The following KCNIP4 variants were observed in gnomAD, a reference collection of about 807,000 sequenced individuals.
The protein encoded by KCNIP4 is potassium voltage-gated channel interacting protein 4.
KCNIP4 carries 12 observed loss-of-function variants against 34.0 expected under a neutral mutation model. The observed-to-expected ratio is 0.35, with a 90% CI of 0.23 to 0.57. KCNIP4 has a LOEUF of 0.57. Among genes scored for constraint, KCNIP4 ranks in the 20% least tolerant of loss-of-function variants. The pLI, the probability that KCNIP4 is intolerant of heterozygous loss-of-function variation, is 0.83. For synonymous variants in KCNIP4, 124 were observed against 102.2 expected, an observed-to-expected ratio of 1.21 and a Z score of -1.29; for missense variants, 238 against 311.7, an observed-to-expected ratio of 0.76 and a Z score of 1.78.
intron 1 of KCNIP4, among the ~76,000 whole-genome samples, chr4:20,891,798 C>G (rs1452532131): frequency 6.6e-6 from 1 of 151,982 alleles, no homozygotes; most frequent in Non-Finnish European, 1.5e-5. Context: ...GTGATTTTTA[C>G]CATTGAAAGT....
chr4:21,764,135 T>C (rs1011673133), intron 1 of KCNIP4, among the ~76,000 whole-genome samples: 1 of 152,136 alleles, frequency 6.6e-6, no homozygotes, highest in Non-Finnish European at 1.5e-5. Context: ...GGAAATCATA[T>C]ATGCATGATA....
At chr4:21,181,933 T>G (rs1286044698) in intron 1 of KCNIP4, among the ~76,000 whole-genome samples, 1 of 152,176 alleles carries the variant, frequency 6.6e-6, no homozygotes, top group African/African-American at 2.4e-5. Context: ...TTTACTAAAA[T>G]GCCAAACAGT....
At chr4:20,859,434 A>G (rs1470180611) in intron 2 of KCNIP4, among the ~76,000 whole-genome samples, 2 of 152,202 alleles carry the variant, frequency 1.3e-5, no homozygotes, top group South Asian at 2.1e-4. Flanking sequence ...ATTTTAATTC[A>G]TGTATCTTCT....
At chr4:21,488,848 A>G (rs1732132566) in intron 1 of KCNIP4, among the ~76,000 whole-genome samples, 1 of 152,118 alleles carries the variant, frequency 6.6e-6, no homozygotes, top group Non-Finnish European at 1.5e-5. Context: ...TTGAGATATC[A>G]GTATCCAGAT....
chr4:20,949,473 A>G (rs941672075), intron 1 of KCNIP4, among the ~76,000 whole-genome samples: 1 of 152,148 alleles, frequency 6.6e-6, no homozygotes, highest in Non-Finnish European at 1.5e-5. Flanking sequence ...ATCTAGAACT[A>G]GAAATACCAT....
At chr4:21,357,897 T>C (rs1718808637) in intron 1 of KCNIP4, among the ~76,000 whole-genome samples, 2 of 152,108 alleles carry the variant, frequency 1.3e-5, no homozygotes, top group Non-Finnish European at 2.9e-5. Context: ...CTATTCACAA[T>C]AGCAAAAACT....
At chr4:20,997,587 C>T (rs945877040) in intron 1 of KCNIP4, among the ~76,000 whole-genome samples, 6 of 152,132 alleles carry the variant, frequency 3.9e-5, no homozygotes, top group Non-Finnish European at 5.9e-5. Context: ...GGAAAGAGGA[C>T]GCTGTGAATG....
intron 1 of KCNIP4, among the ~76,000 whole-genome samples, chr4:21,374,245 G>T (rs1389852987): frequency 6.8e-6 from 1 of 147,094 alleles, no homozygotes; most frequent in Non-Finnish European, 1.5e-5. Context: ...AATTTACAAG[G>T]AAAAAGAGGT....
At chr4:21,218,194 T>C (rs1380629831) in intron 1 of KCNIP4, among the ~76,000 whole-genome samples, 4 of 151,794 alleles carry the variant, frequency 2.6e-5, no homozygotes, top group African/African-American at 9.7e-5. Context: ...TTTGTATTTT[T>C]AGTAGAGACA....
Position 20,882,809 on chromosome 4 carries a change from GC to G in KCNIP4, c.62-101del, listed in dbSNP as rs915020026. The stretch of plus-strand genomic sequence containing the variant: ...AAGCCAGGCAGGAAGGATCAGGGAC[GC>G]AGCCATCCACTCAGGCAATCACAGG... On this transcript the variant is annotated intron_variant, in intron 1 of 8. Transcript: ENST00000382152. 90 of 844,152 alleles carry G rather than the reference GC, an allele frequency of 1.1e-4. 1 individual carries two copies. The highest frequency in any genetic ancestry group is 5.6e-4 in the Admixed American group (25 of 44,956). The allele number at this position is 844,152 out of a possible 1,614,324, so 52.3% of individuals were successfully genotyped here. A position where few individuals can be genotyped will look rare whatever the true frequency, so the allele number is the denominator to read the frequency against.
chr4:21,015,593 GTATATTGTATTAATATAATATAATATA>G (rs1739438131), intron 1 of KCNIP4, among the ~76,000 whole-genome samples: 3 of 117,578 alleles, frequency 2.6e-5, no homozygotes, highest in Non-Finnish European at 4.9e-5. Context: ...ATATAATATA[GTATATTGTATTAATATAATATAATATA>G]GTATATTGTA....
At chr4:21,689,855 C>T (rs893621337) in intron 1 of KCNIP4, among the ~76,000 whole-genome samples, 1 of 151,958 alleles carries the variant, frequency 6.6e-6, no homozygotes. Context: ...TAATGATTCA[C>T]TGGCCATCCT....
chr4:21,090,851 C>T (rs966772645), intron 1 of KCNIP4, among the ~76,000 whole-genome samples: 3 of 152,054 alleles, frequency 2.0e-5, no homozygotes, highest in African/African-American at 7.2e-5. Context: ...AGGTAAATGA[C>T]TAATGAGAAA....
At chr4:21,506,898 CCTT>C (rs1405518438) in intron 1 of KCNIP4, among the ~76,000 whole-genome samples, 51 of 151,674 alleles carry the variant, frequency 3.4e-4, no homozygotes, top group African/African-American at 1.2e-3. Context: ...CCAAAGCAAT[CCTT>C]CTGTCTCAGC....
chr4:21,108,895 G>A (rs548190627), intron 1 of KCNIP4, among the ~76,000 whole-genome samples: 2 of 152,278 alleles, frequency 1.3e-5, no homozygotes, highest in Admixed American at 1.3e-4. Flanking sequence ...TAACAGCAGT[G>A]GTGGCTGCAG....
At chr4:21,907,791 A>C (rs1429055643) in intron 1 of KCNIP4, among the ~76,000 whole-genome samples, 1 of 152,214 alleles carries the variant, frequency 6.6e-6, no homozygotes, top group Non-Finnish European at 1.5e-5. Flanking sequence ...CTTAGTACAC[A>C]ATAATAATGT....
intron 3 of KCNIP4, among the ~76,000 whole-genome samples, chr4:20,807,950 A>G (rs1715286243): frequency 1.3e-5 from 2 of 152,180 alleles, no homozygotes; most frequent in Non-Finnish European, 2.9e-5. Context: ...GACAATTTAA[A>G]ATATAGCCTG....
intron 1 of KCNIP4, among the ~76,000 whole-genome samples, chr4:21,381,526 T>C (rs1175088373): frequency 6.6e-6 from 1 of 152,236 alleles, no homozygotes; most frequent in African/African-American, 2.4e-5. Flanking sequence ...TTTCAAGTTA[T>C]GTTGAATGTT....
At chr4:21,090,248 TC>T (rs1453720296) in intron 1 of KCNIP4, among the ~76,000 whole-genome samples, 2 of 152,166 alleles carry the variant, frequency 1.3e-5, no homozygotes, top group African/African-American at 4.8e-5. Context: ...AACTTTGAGC[TC>T]CATAAGGGTA....
Sources: allele counts gnomAD v4.1 joint callset (sites outside exome capture counted in the v4.1 genomes callset), GRCh38; gene constraint gnomAD v4.1.1; transcripts MANE v1.5; gene names NCBI Gene and HGNC (gene_info 2026-07-23, HGNC 2026-07-21).